The following ADAMTSL1 variants were observed in gnomAD, a reference collection of about 807,000 sequenced individuals.
ADAMTSL1 encodes the protein ADAMTS-like protein 1.
In ADAMTSL1, 126 loss-of-function variants were observed where a neutral mutation model predicts 201.8. The observed-to-expected ratio is 0.62, with a 90% CI of 0.54 to 0.72. The LOEUF (loss-of-function observed/expected upper bound fraction) is 0.72, where lower values mean the gene tolerates loss of function less well. Ranked by LOEUF, ADAMTSL1 falls within the 30% of genes least tolerant of loss-of-function variation. The pLI is 0.00. For missense variants in ADAMTSL1, 2,679 were observed against 2,277.8 expected, an observed-to-expected ratio of 1.18 and a Z score of -3.59; for synonymous variants, 1,121 against 903.4, an observed-to-expected ratio of 1.24 and a Z score of -4.32.
At chr9:18,566,307 G>A (rs1329607636) in intron 3 of ADAMTSL1, among the ~76,000 whole-genome samples, 2 of 152,060 alleles carry the variant, frequency 1.3e-5, no homozygotes, top group Non-Finnish European at 2.9e-5. Flanking sequence ...ACAAATATTC[G>A]AGTACCTGGT....
intron 2 of ADAMTSL1, among the ~76,000 whole-genome samples, chr9:18,250,878 T>C (rs1307545419): frequency 6.6e-6 from 1 of 152,170 alleles, no homozygotes; most frequent in African/African-American, 2.4e-5. Context: ...AAGGAATCTC[T>C]ACCAACTTAT....
At chr9:17,906,711 G>C (rs1285722473) in exon 1 of ADAMTSL1, 4 of 152,790 alleles carry the variant, frequency 2.6e-5, no homozygotes, top group African/African-American at 9.6e-5. Flanking sequence ...CTGTCTCGTG[G>C]GGCGCACGCC....
intron 2 of ADAMTSL1, among the ~76,000 whole-genome samples, chr9:18,217,101 G>A (rs1465109703): frequency 2.0e-5 from 3 of 152,056 alleles, no homozygotes; most frequent in Non-Finnish European, 4.4e-5. Context: ...ATTTAATCTG[G>A]GCTCTAAAGG....
At chr9:18,099,356 T>TATATATATATATATATATATATATATATC (rs60877701) in intron 1 of ADAMTSL1, among the ~76,000 whole-genome samples, 1 of 39,696 alleles carries the variant, frequency 2.5e-5, no homozygotes, top group African/African-American at 1.1e-4. Flanking sequence ...TATATATATA[T>TATATATATATATATATATATATATATATC]TTTTTTTTTT....
intron 2 of ADAMTSL1, among the ~76,000 whole-genome samples, chr9:18,371,474 T>G (rs1194853174): frequency 1.3e-5 from 2 of 152,214 alleles, no homozygotes; most frequent in African/African-American, 4.8e-5. Context: ...AATCTGATAT[T>G]ATCTGAGTTG....
At chr9:18,053,831 G>A (rs536666141) in intron 1 of ADAMTSL1, among the ~76,000 whole-genome samples, 1 of 152,342 alleles carries the variant, frequency 6.6e-6, no homozygotes, top group Admixed American at 6.5e-5. Flanking sequence ...AACTCTTGGT[G>A]TGTATCGTCA....
intron 1 of ADAMTSL1, among the ~76,000 whole-genome samples, chr9:18,141,223 C>T (rs1826384762): frequency 6.6e-6 from 1 of 152,096 alleles, no homozygotes; most frequent in Non-Finnish European, 1.5e-5. Flanking sequence ...CTCAATAGTG[C>T]TGAGCTCAGT....
chr9:18,828,660 T>TTTTTATATATATATATA (rs10685537), intron 22 of ADAMTSL1, among the ~76,000 whole-genome samples: 11 of 28,526 alleles, frequency 3.9e-4, no homozygotes, highest in African/African-American at 5.9e-4. Flanking sequence ...GAAAGTATAT[T>TTTTTATATATATATATA]TATATATATA....
chr9:18,540,318 C>T (rs1358216770), intron 3 of ADAMTSL1, among the ~76,000 whole-genome samples: 2 of 152,096 alleles, frequency 1.3e-5, no homozygotes, highest in African/African-American at 2.4e-5. Flanking sequence ...AATGATTATG[C>T]TACACTTGAT....
intron 1 of ADAMTSL1, among the ~76,000 whole-genome samples, chr9:18,027,737 G>A (rs540966606): frequency 2.7e-4 from 41 of 152,126 alleles, no homozygotes; most frequent in Middle Eastern, 3.4e-3. Flanking sequence ...GGTGAAATTG[G>A]TCAAGTATAG....
At chr9:17,947,208 A>G (rs186383559) in intron 1 of ADAMTSL1, among the ~76,000 whole-genome samples, 42 of 151,338 alleles carry the variant, frequency 2.8e-4, no homozygotes, top group African/African-American at 9.9e-4. Flanking sequence ...TAAAGTAATT[A>G]AAAACACAGT....
intron 4 of ADAMTSL1, among the ~76,000 whole-genome samples, chr9:18,621,501 A>T (rs1023270190): frequency 6.6e-6 from 1 of 151,516 alleles, no homozygotes; most frequent in Non-Finnish European, 1.5e-5. Flanking sequence ...GGTAAGGCAA[A>T]TGACAGGGTC....
At chr9:18,656,639 AAAAAAAG>A (rs1159223632) in intron 7 of ADAMTSL1, among the ~76,000 whole-genome samples, 2 of 151,748 alleles carry the variant, frequency 1.3e-5, no homozygotes, top group Admixed American at 1.3e-4. Flanking sequence ...AAAAAAAAAA[AAAAAAAG>A]AAAATGTTAA....
chr9:18,128,203 T>C (rs4364725), intron 1 of ADAMTSL1, among the ~76,000 whole-genome samples: 61,759 of 152,036 alleles, frequency 0.41, 13,610 homozygotes, highest in East Asian at 0.5. Context: ...ACTGTAATTT[T>C]CATGGGATCT....
Position 18,908,510 on chromosome 9 carries a change from T to G in ADAMTSL1, c.5251T>G (p.Phe1751Val). 6 of 1,563,954 alleles carry G rather than the reference T, an allele frequency of 3.8e-6. No homozygotes were observed. The South Asian group carries it at 7.1e-5, about 18-fold the overall frequency. The change falls in exon 29 of 29, where the codon TTT becomes GTT. Residue 1751 changes from phenylalanine to valine, a missense_variant. By Grantham distance (50) the Phe-to-Val change is conservative. Coordinates refer to ENST00000380548, the MANE Select transcript of ADAMTSL1 (RefSeq NM_001040272.6). ...KQLKLCQLSQ[F>V]KSRCCGTCGK... ...GCTGAAACTCTGCCAACTCAGCCAGTTTAAATCTCGCTGCTGTGGAACTTG... is the reference window on the plus strand; with the variant it reads ...GCTGAAACTCTGCCAACTCAGCCAGGTTAAATCTCGCTGCTGTGGAACTTG...
At chr9:18,790,499 CT>C (rs1256486207) in intron 19 of ADAMTSL1, among the ~76,000 whole-genome samples, 2 of 152,164 alleles carry the variant, frequency 1.3e-5, no homozygotes, top group Non-Finnish European at 2.9e-5. Context: ...CCGGAGCTGC[CT>C]TTGTTTCAAA....
Position 17,962,374 on chromosome 9 carries a change from G to A in ADAMTSL1, c.87+55452G>A, listed in dbSNP as rs545796454. On this transcript the variant is annotated intron_variant, in intron 1 of 29. Coordinates refer to the ADAMTSL1 transcript ENST00000680146. ...CAGTTGTTTTACATTTTTTATCTCC[G>A]GTTTTGTGCACAGTATCAAGCGTTA... 4.1e-4 allele frequency among the ~76,000 whole-genome samples: 63 copies of A among 152,180 alleles called. 1 individual carries two copies. Among genetic ancestry groups the A allele is most frequent in the South Asian group, 8.3e-4 (4 of 4,820 alleles).
intron 1 of ADAMTSL1, among the ~76,000 whole-genome samples, chr9:17,916,064 T>G (rs756861282): frequency 4.6e-5 from 7 of 152,158 alleles, no homozygotes; most frequent in Non-Finnish European, 1.0e-4. Flanking sequence ...GGATGACAGG[T>G]GCGTGCCACC....
At chr9:18,256,077 C>A (rs1456545845) in intron 2 of ADAMTSL1, among the ~76,000 whole-genome samples, 1 of 152,232 alleles carries the variant, frequency 6.6e-6, no homozygotes, top group Non-Finnish European at 1.5e-5. Context: ...ATTTCTCTCA[C>A]TCTTATCATG....
Sources: allele counts gnomAD v4.1 joint callset (sites outside exome capture counted in the v4.1 genomes callset), GRCh38; gene constraint gnomAD v4.1.1; transcripts MANE v1.5; gene names NCBI Gene and HGNC (gene_info 2026-07-23, HGNC 2026-07-21).